CPS1: variants seen among roughly 807,000 people sequenced by gnomAD.
The protein encoded by CPS1 is carbamoyl-phosphate synthase 1.
Under a neutral mutation model 174.6 loss-of-function variants are expected in CPS1, and 109 were observed. The ratio of observed to expected loss-of-function variants is 0.62; its 90% confidence interval spans 0.53 to 0.73. The LOEUF is 0.73. Among genes scored for constraint, CPS1 ranks in the 30% least tolerant of loss-of-function variants. The pLI, the probability that CPS1 is intolerant of heterozygous loss-of-function variation, is 0.00. For synonymous variants in CPS1, 637 were observed against 632.0 expected, an observed-to-expected ratio of 1.01 and a Z score of -0.12; for missense variants, 1,689 against 1,821.9, an observed-to-expected ratio of 0.93 and a Z score of 1.33.
At chr2:210,533,935 C>G (rs1323245819) in intron 1 of CPS1, among the ~76,000 whole-genome samples, 1 of 152,174 alleles carries the variant, frequency 6.6e-6, no homozygotes, top group African/African-American at 2.4e-5. Flanking sequence ...CACTGGGAAA[C>G]AGGGCAACCA....
In CPS1 at chr2:210,675,607, C is replaced by G. The variant is rs1350541834; in HGVS notation, c.4162-121C>G. ...TGGACTGTGAGTCCAAGTCTCTATCCATGGCACTATACTACTTCTCATGTT... is the reference window on the plus strand; with the variant it reads ...TGGACTGTGAGTCCAAGTCTCTATCGATGGCACTATACTACTTCTCATGTT... On this transcript the variant is annotated intron_variant, in intron 35 of 37. Transcript: ENST00000233072. 3 of 715,404 alleles carry G rather than the reference C, an allele frequency of 4.2e-6. No individual in the cohort carries two copies. The East Asian group carries it at 8.1e-5, about 19-fold the overall frequency. The allele number at this position is 715,404 out of a possible 1,614,324, so 44.3% of individuals were successfully genotyped here.
chr2:210,643,895 G>A (rs1197869015), intron 25 of CPS1, among the ~76,000 whole-genome samples: 3 of 152,044 alleles, frequency 2.0e-5, no homozygotes, highest in South Asian at 2.1e-4. Context: ...AATATTTCTC[G>A]AACACCTTGT....
At chr2:210,478,716 CATTTT>C (rs1438169346) in intron 1 of CPS1, among the ~76,000 whole-genome samples, 1 of 152,298 alleles carries the variant, frequency 6.6e-6, no homozygotes, top group East Asian at 1.9e-4. Flanking sequence ...TGACTTCCCA[CATTTT>C]ATTTTATTAG....
intron 28 of CPS1, among the ~76,000 whole-genome samples, chr2:210,653,216 G>C (rs550751658): frequency 2.0e-5 from 3 of 152,134 alleles, no homozygotes; most frequent in South Asian, 2.1e-4. Context: ...CTGGTAAAAA[G>C]ACAGTGGCCC....
intron 28 of CPS1, 136 bp downstream of exon 28, chr2:210,650,574 A>G (rs1043303446): frequency 1.3e-6 from 1 of 749,078 alleles, no homozygotes; most frequent in Non-Finnish European, 2.3e-6. Flanking sequence ...ACAATGTGTT[A>G]GAATGAGTTT....
At chr2:210,666,382 T>A (rs1701097562) in intron 33 of CPS1, among the ~76,000 whole-genome samples, 1 of 151,414 alleles carries the variant, frequency 6.6e-6, no homozygotes, top group African/African-American at 2.4e-5. Context: ...TTTGGTGTTT[T>A]GGACATGAAG....
At chr2:210,520,757 ATTG>A (rs1187627714) in intron 1 of CPS1, among the ~76,000 whole-genome samples, 1 of 151,890 alleles carries the variant, frequency 6.6e-6, no homozygotes, top group Non-Finnish European at 1.5e-5. Flanking sequence ...GTTCCTCCAT[ATTG>A]TTGTGTTTGG....
intron 21 of CPS1, among the ~76,000 whole-genome samples, chr2:210,627,148 G>C (rs915172502): frequency 6.6e-6 from 1 of 152,168 alleles, no homozygotes; most frequent in African/African-American, 2.4e-5. Flanking sequence ...TTAGAGAGGA[G>C]ACATTGTGAG....
chr2:210,532,362 A>G (rs1184828472), intron 1 of CPS1, among the ~76,000 whole-genome samples: 1 of 152,178 alleles, frequency 6.6e-6, no homozygotes, highest in Non-Finnish European at 1.5e-5. Flanking sequence ...ATTCTGAAGA[A>G]TGAAGAGAGC....
intron 1 of CPS1, among the ~76,000 whole-genome samples, chr2:210,540,119 T>C (rs903184920): frequency 2.6e-5 from 4 of 152,194 alleles, no homozygotes; most frequent in Non-Finnish European, 4.4e-5. Context: ...GTTTGAGTTA[T>C]GATAAGTTAA....
intron 34 of CPS1, chr2:210,671,672 A>G (rs1701309080): frequency 6.6e-6 from 1 of 152,144 alleles, no homozygotes; most frequent in Non-Finnish European, 1.5e-5. Context: ...TGTTCAATAC[A>G]TGTTTGATAG....
intron 21 of CPS1, among the ~76,000 whole-genome samples, chr2:210,630,092 C>CAAAAAA (rs11372499): frequency 1.5e-5 from 2 of 132,910 alleles, no homozygotes; most frequent in Non-Finnish European, 3.2e-5. Flanking sequence ...AAAAACAAAA[C>CAAAAAA]AAAAAAAAAA....
At chr2:210,659,871 A>C (rs529405449) in intron 31 of CPS1, among the ~76,000 whole-genome samples, 1 of 152,316 alleles carries the variant, frequency 6.6e-6, no homozygotes, top group Non-Finnish European at 1.5e-5. Flanking sequence ...GGTTAGGGGT[A>C]GATCATAAAA....
chr2:210,555,263 C>A (rs568818555), upstream of CPS1, among the ~76,000 whole-genome samples: 4 of 151,986 alleles, frequency 2.6e-5, no homozygotes, highest in Admixed American at 6.6e-5. Flanking sequence ...GGTGAATTTG[C>A]ATCCTTCAGT....
At chr2:210,669,091 CCTT>C (rs1476239377) in intron 34 of CPS1, among the ~76,000 whole-genome samples, 1 of 151,994 alleles carries the variant, frequency 6.6e-6, no homozygotes, top group Non-Finnish European at 1.5e-5. Flanking sequence ...CATTGGTAAG[CCTT>C]CTAGGTCAAA....
Position 210,674,807 on chromosome 2 carries a change from A to G in CPS1, c.4102-95A>G, listed in dbSNP as rs1403100350. 3.9e-6 allele frequency: 4 copies of G among 1,013,680 alleles called. No homozygotes were observed. The African/African-American group carries it at 4.7e-5, about 12-fold the overall frequency. The allele number at this position is 1,013,680 out of a possible 1,614,324, so 62.8% of individuals were successfully genotyped here. A position where few individuals can be genotyped will look rare whatever the true frequency, so the allele number is the denominator to read the frequency against. On this transcript the variant is annotated intron_variant, in intron 34 of 37. Coordinates refer to ENST00000233072, the MANE Select transcript of CPS1 (RefSeq NM_001875.5). ...TAATATAAAGCATCCGGCAACATGT[A>G]ACATTGTCTTTTAAGATGTTGTAAG...
At chr2:210,558,659 C>T (rs9789405) in intron 1 of CPS1, among the ~76,000 whole-genome samples, 25,654 of 151,768 alleles carry the variant, frequency 0.17, 2,393 homozygotes, top group Admixed American at 0.26. Flanking sequence ...CCAGAAACCG[C>T]GAAATTGAGT....
intron 1 of CPS1, among the ~76,000 whole-genome samples, chr2:210,517,383 G>T (rs1695710786): frequency 6.6e-6 from 1 of 151,926 alleles, no homozygotes; most frequent in Non-Finnish European, 1.5e-5. Flanking sequence ...TAAAGTAAAG[G>T]TTTCTATTTG....
chr2:210,533,469 GA>G (rs898391710), intron 1 of CPS1, among the ~76,000 whole-genome samples: 22 of 152,150 alleles, frequency 1.4e-4, no homozygotes, highest in Non-Finnish European at 2.6e-4. Context: ...GAGGTACAAA[GA>G]GGGTAATTAG....
Sources: gnomAD v4.1 joint callset for allele counts (sites outside exome capture counted in the v4.1 genomes callset) on GRCh38, gnomAD v4.1.1 for gene constraint, MANE v1.5 for transcripts, NCBI Gene and HGNC (gene_info 2026-07-23, HGNC 2026-07-21) for gene names.